FGF12: variants seen among roughly 807,000 people sequenced by gnomAD.
FGF12 encodes fibroblast growth factor 12B.
FGF12 carries 14 observed loss-of-function variants against 23.6 expected under a neutral mutation model. The ratio of observed to expected loss-of-function variants is 0.59; its 90% confidence interval spans 0.39 to 0.93. The LOEUF (loss-of-function observed/expected upper bound fraction) is 0.93, where lower values mean the gene tolerates loss of function less well. Ranked by LOEUF, FGF12 falls within the 40% of genes least tolerant of loss-of-function variation. FGF12 has a pLI of 0.00. For synonymous variants in FGF12, 62 were observed against 77.3 expected, an observed-to-expected ratio of 0.80 and a Z score of 1.04; for missense variants, 175 against 217.8, an observed-to-expected ratio of 0.80 and a Z score of 1.24.
chr3:192,255,217 G>A (rs536682083), intron 4 of FGF12, among the ~76,000 whole-genome samples: 1 of 152,128 alleles, frequency 6.6e-6, no homozygotes, highest in South Asian at 2.1e-4. Context: ...AAATAGCTGA[G>A]CACATTATAA....
chr3:192,297,036 C>T (rs1269760726), intron 4 of FGF12, among the ~76,000 whole-genome samples: 1 of 152,166 alleles, frequency 6.6e-6, no homozygotes, highest in African/African-American at 2.4e-5. Context: ...ATTATCTAGA[C>T]TTGTTTTTGG....
At chr3:192,296,066 T>C (rs532184132) in intron 4 of FGF12, among the ~76,000 whole-genome samples, 1,462 of 135,464 alleles carry the variant, frequency 0.011, 10 homozygotes, top group African/African-American at 0.039. Context: ...TTCTTTCTTT[T>C]TTTTTTTTTT....
chr3:192,352,036 A>AT (rs1288181338), intron 3 of FGF12, among the ~76,000 whole-genome samples: 1 of 143,272 alleles, frequency 7.0e-6, no homozygotes, highest in Non-Finnish European at 1.6e-5. Context: ...TATTTTTCAT[A>AT]TTTTTTTCTT....
chr3:192,282,207 T>C (rs554872490), intron 4 of FGF12, among the ~76,000 whole-genome samples: 1 of 152,316 alleles, frequency 6.6e-6, no homozygotes, highest in South Asian at 2.1e-4. Context: ...TGTTCTCAGA[T>C]TTCTTGCCAA....
Position 192,167,755 on chromosome 3 carries a change from A to T in FGF12, c.427+2703T>A, listed in dbSNP as rs796580179. Among the ~76,000 whole-genome samples the T allele has an allele frequency of 5.2e-3, 150 of 28,772 alleles. 6 individuals are homozygous for T. The highest frequency in any genetic ancestry group is 0.018 in the South Asian group (11 of 602). The allele number at this position is 28,772 out of a possible 152,430, so 18.9% of individuals were successfully genotyped here. On this transcript the variant is annotated intron_variant, in intron 5 of 5. Transcript: ENST00000445105. ...GGTATATATATATATATATATATATATATATATATATATAAAATTTTTTTT... is the reference window on the plus strand; with the variant it reads ...GGTATATATATATATATATATATATTTATATATATATATAAAATTTTTTTT...
intron 2 of FGF12, among the ~76,000 whole-genome samples, chr3:192,600,874 T>C (rs1337642217): frequency 6.6e-6 from 1 of 152,052 alleles, no homozygotes; most frequent in African/African-American, 2.4e-5. Flanking sequence ...AACACCGCTA[T>C]GGAAAACAGT....
At chr3:192,391,833 T>C (rs1720304514) in intron 2 of FGF12, among the ~76,000 whole-genome samples, 1 of 152,238 alleles carries the variant, frequency 6.6e-6, no homozygotes, top group Non-Finnish European at 1.5e-5. Flanking sequence ...ATTACTTCTA[T>C]AGATGAGCTT....
intron 4 of FGF12, among the ~76,000 whole-genome samples, chr3:192,171,398 A>T (rs1038543775): frequency 1.9e-4 from 29 of 152,222 alleles, no homozygotes; most frequent in Admixed American, 1.9e-3. Flanking sequence ...AGGTCACGTG[A>T]TTAATTCAAA....
chr3:192,396,439 T>C (rs1359335742), intron 2 of FGF12, among the ~76,000 whole-genome samples: 1 of 152,238 alleles, frequency 6.6e-6, no homozygotes, highest in Non-Finnish European at 1.5e-5. Context: ...GCTACCAGCA[T>C]TGGGCAATGG....
At chr3:192,554,588 T>C (rs1711679268) in intron 2 of FGF12, among the ~76,000 whole-genome samples, 1 of 152,132 alleles carries the variant, frequency 6.6e-6, no homozygotes, top group South Asian at 2.1e-4. Context: ...ACAAAGCCAG[T>C]TCATAAAAAC....
chr3:192,160,865 G>T (rs1714830548), intron 5 of FGF12, among the ~76,000 whole-genome samples: 1 of 152,128 alleles, frequency 6.6e-6, no homozygotes, highest in Admixed American at 6.6e-5. Context: ...CTAAACTTGG[G>T]CTGAGTTCCC....
chr3:192,272,067 G>A (rs967492403), intron 4 of FGF12, among the ~76,000 whole-genome samples: 3 of 152,084 alleles, frequency 2.0e-5, no homozygotes, highest in Non-Finnish European at 4.4e-5. Context: ...GTGATATTAG[G>A]AATGACTAAT....
intron 4 of FGF12, among the ~76,000 whole-genome samples, chr3:192,308,830 A>T (rs1715790895): frequency 6.6e-6 from 1 of 152,198 alleles, no homozygotes; most frequent in East Asian, 1.9e-4. Context: ...TATTTTAAGG[A>T]ATTAAATTAG....
intron 2 of FGF12, among the ~76,000 whole-genome samples, chr3:192,617,693 A>C (rs1714814569): frequency 6.6e-6 from 1 of 152,142 alleles, no homozygotes; most frequent in Non-Finnish European, 1.5e-5. Flanking sequence ...TCCACCTTTC[A>C]AATGAGCTAT....
chr3:192,474,743 G>A (rs1723269515), intron 2 of FGF12, among the ~76,000 whole-genome samples: 1 of 152,050 alleles, frequency 6.6e-6, no homozygotes, highest in Non-Finnish European at 1.5e-5. Context: ...AAATTAGCCA[G>A]GTGTGGTGAT....
intron 4 of FGF12, among the ~76,000 whole-genome samples, chr3:192,291,932 C>T (rs562240677): frequency 2.6e-5 from 4 of 152,288 alleles, no homozygotes; most frequent in South Asian, 4.1e-4. Context: ...TTCAACAATA[C>T]GTGTATCAAA....
At position 192,360,472 on chromosome 3, in the gene FGF12, G is replaced by A; in HGVS notation, c.80C>T (p.Pro27Leu). The part of the protein sequence containing the change: ...SQQGYFLQMH[P>L]DGTIDGTKDE... ...CTTGGTCCCATCAATGGTACCATCT[G>A]GGTGCATCTGCAGGAAGTATCCCTG... is the stretch of plus-strand genomic sequence containing the variant. Residue 27 changes from proline (P) to leucine (L), a missense_variant, in exon 3 of 6, where the codon CCA becomes CTA. By Grantham distance (98) the Pro-to-Leu change is moderately conservative. Coordinates refer to ENST00000445105, the MANE Select transcript of FGF12 (RefSeq NM_004113.6). The surrounding 1 kb of genome is among the most constrained non-coding windows in gnomAD (Gnocchi z 4.3). The A allele has an allele frequency of 1.2e-6, 2 of 1,613,876 alleles. No homozygotes were observed. The highest frequency in any genetic ancestry group is 2.2e-5 in the South Asian group (2 of 91,076).
intron 3 of FGF12, among the ~76,000 whole-genome samples, chr3:192,338,764 G>A (rs7651755): frequency 0.24 from 35,836 of 152,080 alleles, 4,356 homozygotes; most frequent in Middle Eastern, 0.26. Flanking sequence ...TAGTCTGTGC[G>A]ATGCAGAGCC....
intron 4 of FGF12, among the ~76,000 whole-genome samples, chr3:192,187,953 A>T (rs1370885262): frequency 6.6e-6 from 1 of 152,162 alleles, no homozygotes; most frequent in East Asian, 1.9e-4. Flanking sequence ...TGTATTAGGA[A>T]ATGAGAACGG....
Sources: gnomAD v4.1 joint callset for allele counts (sites outside exome capture counted in the v4.1 genomes callset) on GRCh38, gnomAD v4.1.1 for gene constraint, Gnocchi (gnomAD v3.1) non-coding constraint, MANE v1.5 for transcripts, NCBI Gene and HGNC (gene_info 2026-07-23, HGNC 2026-07-21) for gene names.